Variants in TMEM131 observed in about 807,000 individuals in gnomAD.
TMEM131 encodes the protein transmembrane protein 131, also known as 2610524E03Rik.
A neutral mutation model predicts 211.6 loss-of-function variants in TMEM131; 66 were observed. The ratio of observed to expected loss-of-function variants is 0.31; its 90% CI spans 0.26 to 0.38. TMEM131 has a LOEUF of 0.38. TMEM131 is among the 10% of genes least tolerant of loss of function. The pLI is 1.00. For synonymous variants in TMEM131, 844 were observed against 841.3 expected, an observed-to-expected ratio of 1.00 and a Z score of -0.06; for missense variants, 2,036 against 2,299.3, an observed-to-expected ratio of 0.89 and a Z score of 2.34.
chr2:97,890,012 C>CA (rs1455516339), intron 3 of TMEM131, among the ~76,000 whole-genome samples: 2 of 152,096 alleles, frequency 1.3e-5, no homozygotes, highest in Non-Finnish European at 2.9e-5. Flanking sequence ...ACCTGAACGA[C>CA]AGAGATCTAG....
intron 1 of TMEM131, among the ~76,000 whole-genome samples, chr2:97,973,390 T>A (rs1473976196): frequency 6.6e-6 from 1 of 152,222 alleles, no homozygotes; most frequent in African/African-American, 2.4e-5. Context: ...GTAAGCCCTA[T>A]GATTGGCCCA....
chr2:97,887,197 G>C (rs1180704441), intron 4 of TMEM131, among the ~76,000 whole-genome samples: 4 of 152,264 alleles, frequency 2.6e-5, no homozygotes. Flanking sequence ...CCGAGGATGT[G>C]TCTGCCAGGG....
chr2:97,784,469 T>C (rs990722186), intron 31 of TMEM131, among the ~76,000 whole-genome samples: 5 of 152,018 alleles, frequency 3.3e-5, no homozygotes, highest in Admixed American at 1.3e-4. Context: ...GTCTCCAATC[T>C]TGGAAGACTG....
chr2:97,810,688 T>C (rs977072082), intron 18 of TMEM131, among the ~76,000 whole-genome samples: 2 of 152,236 alleles, frequency 1.3e-5, no homozygotes, highest in African/African-American at 4.8e-5. Context: ...TGACTTTGAA[T>C]GACTCATGAA....
At chr2:97,757,687 C>A (rs1678569300) in intron 40 of TMEM131, among the ~76,000 whole-genome samples, 1 of 152,118 alleles carries the variant, frequency 6.6e-6, no homozygotes, top group Non-Finnish European at 1.5e-5. Context: ...AGGCACTAGC[C>A]ATCATGCCGG....
intron 40 of TMEM131, among the ~76,000 whole-genome samples, chr2:97,758,395 G>C (rs987765277): frequency 1.1e-4 from 16 of 152,234 alleles, no homozygotes; most frequent in African/African-American, 3.6e-4. Context: ...CATGGTCTTT[G>C]CAGAAGACTT....
intron 25 of TMEM131, among the ~76,000 whole-genome samples, chr2:97,801,413 T>C (rs1488677562): frequency 2.6e-5 from 4 of 152,250 alleles, no homozygotes; most frequent in Non-Finnish European, 5.9e-5. Flanking sequence ...TATGTATATG[T>C]TTATAAATAA....
In TMEM131 at chr2:97,757,303, G is replaced by A; in HGVS notation, c.5448C>T (p.Ala1816=). The change falls in exon 41 of 41, where the codon GCC becomes GCT. Residue 1816 remains alanine, a synonymous_variant. Transcript: ENST00000186436. ...TGTTTGCTGGAGTGGTGAAGGGAAG[G>A]GCGCTGCTAAGGTTGCTGGACCAAA... is the stretch of plus-strand genomic sequence containing the variant. ...SSIWSSNLSS[A]LPFTTPANTL... 1.2e-6 allele frequency: 2 copies of A among 1,613,954 alleles called. No homozygotes were observed. Among genetic ancestry groups the A allele is most frequent in the Non-Finnish European group, 1.7e-6 (2 of 1,179,894 alleles).
At chr2:97,958,782 T>A (rs146889253) in intron 1 of TMEM131, among the ~76,000 whole-genome samples, 1 of 152,162 alleles carries the variant, frequency 6.6e-6, no homozygotes, top group Non-Finnish European at 1.5e-5. Context: ...AGACAGTACT[T>A]GAACTTGGGG....
intron 31 of TMEM131, among the ~76,000 whole-genome samples, chr2:97,785,329 A>G (rs1474901073): frequency 6.6e-6 from 1 of 152,232 alleles, no homozygotes; most frequent in Non-Finnish European, 1.5e-5. Context: ...AGAAAAACCC[A>G]AACAATCCAA....
At chr2:97,884,838 T>C (rs756336912) in intron 4 of TMEM131, among the ~76,000 whole-genome samples, 1 of 152,208 alleles carries the variant, frequency 6.6e-6, no homozygotes, top group Non-Finnish European at 1.5e-5. Context: ...TTACAGGCAG[T>C]ATATAGTTGG....
intron 1 of TMEM131, among the ~76,000 whole-genome samples, chr2:97,943,878 T>C (rs1343681300): frequency 1.3e-5 from 2 of 151,942 alleles, no homozygotes; most frequent in Non-Finnish European, 2.9e-5. Flanking sequence ...GGTCAAGAGA[T>C]CAAGACCATC....
At chr2:97,951,077 A>G (rs968787688) in intron 1 of TMEM131, among the ~76,000 whole-genome samples, 2 of 152,312 alleles carry the variant, frequency 1.3e-5, no homozygotes, top group East Asian at 3.9e-4. Flanking sequence ...AGAGAGCAGA[A>G]TAAGTCAACA....
intron 11 of TMEM131, among the ~76,000 whole-genome samples, chr2:97,821,390 C>A (rs1682113194): frequency 6.6e-6 from 1 of 152,124 alleles, no homozygotes; most frequent in Admixed American, 6.5e-5. Context: ...GCGGGCAGGG[C>A]CAAATAAGGG....
intron 30 of TMEM131, 132 bp downstream of exon 30, chr2:97,793,263 G>T: frequency 2.2e-6 from 2 of 900,790 alleles, no homozygotes; most frequent in Non-Finnish European, 1.7e-6. Flanking sequence ...TTCCATACAG[G>T]GTGTTATTAA....
intron 1 of TMEM131, among the ~76,000 whole-genome samples, chr2:97,928,166 T>C (rs928671620): frequency 1.3e-5 from 2 of 152,190 alleles, no homozygotes; most frequent in African/African-American, 4.8e-5. Context: ...ATAGTCAAGA[T>C]GGCCATCAAA....
chr2:97,863,642 T>TA (rs796344525), intron 4 of TMEM131, among the ~76,000 whole-genome samples: 11 of 152,194 alleles, frequency 7.2e-5, no homozygotes, highest in African/African-American at 2.6e-4. Context: ...AAGAGGTATA[T>TA]AAAAAATGCT....
intron 1 of TMEM131, among the ~76,000 whole-genome samples, chr2:97,974,574 TAC>T (rs1262362451): frequency 6.7e-6 from 1 of 148,782 alleles, no homozygotes; most frequent in African/African-American, 2.5e-5. Flanking sequence ...AAACCAGATT[TAC>T]AAAAAAAATC....
At chr2:97,915,647 A>C (rs1047991540) in intron 2 of TMEM131, among the ~76,000 whole-genome samples, 1 of 152,180 alleles carries the variant, frequency 6.6e-6, no homozygotes, top group African/African-American at 2.4e-5. Context: ...CGTCTGGCCC[A>C]GAGCAAGTTT....
Sources: allele counts gnomAD v4.1 joint callset (sites outside exome capture counted in the v4.1 genomes callset), GRCh38; gene constraint gnomAD v4.1.1; transcripts MANE v1.5; gene names NCBI Gene and HGNC (gene_info 2026-07-23, HGNC 2026-07-21).